Variants in MGAT4C observed in about 807,000 individuals in gnomAD.
The protein encoded by MGAT4C is MGAT4 family member C, also known as alpha-1,3-mannosyl-glycoprotein 4-beta-N-acetylglucosaminyltransferase C.
In MGAT4C, 19 loss-of-function variants were observed where a neutral mutation model predicts 40.1. The observed-to-expected ratio is 0.47, with a 90% confidence interval of 0.33 to 0.70. The LOEUF (loss-of-function observed/expected upper bound fraction) is 0.70, where lower values mean the gene tolerates loss of function less well. MGAT4C is among the 30% of genes least tolerant of loss of function. The pLI, the probability that MGAT4C is intolerant of heterozygous loss-of-function variation, is 0.02. For missense variants in MGAT4C, 491 were observed against 563.2 expected, an observed-to-expected ratio of 0.87 and a Z score of 1.30; for synonymous variants, 181 against 187.1, an observed-to-expected ratio of 0.97 and a Z score of 0.27.
Position 86,529,126 on chromosome 12 carries a change from T to C in MGAT4C, c.-228-93861A>G, listed in dbSNP as rs548306776. ...TTTCCTTTCTTTGGTATTCTAGCCT[T>C]GGTCATGATCCAAAGGGGCAAGTGC... On this transcript the variant is annotated intron_variant, in intron 2 of 7. Coordinates refer to the MGAT4C transcript ENST00000548651. Among the ~76,000 whole-genome samples, 9 of 152,200 alleles carry C rather than the reference T, an allele frequency of 5.9e-5. No homozygotes were observed. In the South Asian group the frequency reaches 1.9e-3, roughly 32 times the overall value.
intron 2 of MGAT4C, among the ~76,000 whole-genome samples, chr12:86,034,181 T>A (rs1219830294): frequency 1.3e-5 from 2 of 149,736 alleles, no homozygotes; most frequent in African/African-American, 4.8e-5. Context: ...TTTTTGCATC[T>A]GTGTTTACCA....
At chr12:86,243,588 AG>A (rs1286099001) in intron 1 of MGAT4C, among the ~76,000 whole-genome samples, 2 of 152,198 alleles carry the variant, frequency 1.3e-5, no homozygotes, top group East Asian at 3.9e-4. Context: ...TTTTATGAAA[AG>A]CCCATGAAAG....
At chr12:86,508,234 G>C (rs918598370) in intron 2 of MGAT4C, among the ~76,000 whole-genome samples, 1 of 151,498 alleles carries the variant, frequency 6.6e-6, no homozygotes. Flanking sequence ...ACAGTCCCCA[G>C]AGCGTGACGT....
At position 85,969,488 on chromosome 12, in the gene MGAT4C, A is replaced by C. The variant is rs1433470248; in HGVS notation, c.*9801T>G. On this transcript the variant is annotated 3_prime_UTR_variant, in exon 5 of 5. Transcript: ENST00000611864. Reference sequence around the variant, plus strand: ...GTGTACCCAGAGCCCATGAGTTTTTATTTTCTTTTTGGAATAACAGAAATT... The same window carrying C: ...GTGTACCCAGAGCCCATGAGTTTTTCTTTTCTTTTTGGAATAACAGAAATT... 1 of 151,550 alleles carries C rather than the reference A, an allele frequency of 6.6e-6. No homozygotes were observed. Among genetic ancestry groups the C allele is most frequent in the Non-Finnish European group, 1.5e-5 (1 of 67,616 alleles). 9.4% of individuals were successfully genotyped at this position (151,550 alleles called of 1,614,324 possible).
intron 3 of MGAT4C, among the ~76,000 whole-genome samples, chr12:86,377,720 C>A (rs180818218): frequency 6.6e-6 from 1 of 152,094 alleles, no homozygotes; most frequent in Non-Finnish European, 1.5e-5. Context: ...AATTTGCCAT[C>A]TTAACAGTTT....
chr12:86,566,527 TATAC>T (rs201453753), intron 2 of MGAT4C, among the ~76,000 whole-genome samples: 3,154 of 51,174 alleles, frequency 0.062, 45 homozygotes, highest in African/African-American at 0.072. Flanking sequence ...AGTAAACTCA[TATAC>T]ATATATATAT....
intron 2 of MGAT4C, among the ~76,000 whole-genome samples, chr12:86,509,491 G>C (rs1714875826): frequency 1.3e-5 from 2 of 152,144 alleles, no homozygotes; most frequent in Admixed American, 6.6e-5. Context: ...AAGTCAGGTA[G>C]CGTGATGCCT....
At chr12:86,767,402 C>T (rs1951532791) in intron 1 of MGAT4C, among the ~76,000 whole-genome samples, 1 of 152,128 alleles carries the variant, frequency 6.6e-6, no homozygotes, top group African/African-American at 2.4e-5. Flanking sequence ...AGTCCAGGAC[C>T]AGATGGATTC....
chr12:86,631,048 T>A (rs989268635), intron 2 of MGAT4C, among the ~76,000 whole-genome samples: 1 of 151,992 alleles, frequency 6.6e-6, no homozygotes, highest in Non-Finnish European at 1.5e-5. Flanking sequence ...TAAGCAACTT[T>A]AGCAAAGTCT....
intron 2 of MGAT4C, chr12:86,601,353 C>T (rs1961769674): frequency 6.6e-6 from 1 of 151,942 alleles, no homozygotes; most frequent in African/African-American, 2.4e-5. Context: ...CAAGCCCTCC[C>T]ATGGCCACCT....
At chr12:86,803,253 C>A (rs1203082241) in intron 1 of MGAT4C, among the ~76,000 whole-genome samples, 2 of 150,868 alleles carry the variant, frequency 1.3e-5, no homozygotes, top group Admixed American at 6.6e-5. Context: ...ACACCTTATA[C>A]AAAAATCAAT....
At chr12:86,711,652 A>G (rs181693559) in intron 2 of MGAT4C, among the ~76,000 whole-genome samples, 41 of 152,164 alleles carry the variant, frequency 2.7e-4, no homozygotes, top group African/African-American at 9.7e-4. Flanking sequence ...GAAGAAAAAA[A>G]TATGAAAACA....
At position 85,967,146 on chromosome 12, in the gene MGAT4C, C is replaced by T. The variant is rs1883408370; in HGVS notation, c.*12143G>A. On this transcript the variant is annotated 3_prime_UTR_variant, in exon 5 of 5. Transcript: ENST00000611864. ...TCCTGAAGATATAACATTGATTTGTCTTTTTCTTATTTGATATCAGCTAGC... is the reference window on the plus strand; with the variant it reads ...TCCTGAAGATATAACATTGATTTGTTTTTTTCTTATTTGATATCAGCTAGC... The T allele has an allele frequency of 6.6e-6, 1 of 152,008 alleles. No individual in the cohort carries two copies. Among genetic ancestry groups the T allele is most frequent in the Non-Finnish European group, 1.5e-5 (1 of 67,986 alleles). 9.4% of individuals were successfully genotyped at this position (152,008 alleles called of 1,614,324 possible).
intron 1 of MGAT4C, among the ~76,000 whole-genome samples, chr12:86,124,673 C>A (rs1029321803): frequency 6.6e-6 from 1 of 151,852 alleles, no homozygotes; most frequent in African/African-American, 2.4e-5. Flanking sequence ...TGGTCTTATA[C>A]CAGATAGGCT....
intron 1 of MGAT4C, among the ~76,000 whole-genome samples, chr12:86,252,807 T>C (rs897533159): frequency 2.0e-5 from 3 of 151,920 alleles, no homozygotes; most frequent in Non-Finnish European, 2.9e-5. Context: ...AGCAAATAAT[T>C]GATTGTAAAA....
At chr12:86,185,736 TTCTC>T (rs1408632822) in intron 1 of MGAT4C, among the ~76,000 whole-genome samples, 13 of 152,270 alleles carry the variant, frequency 8.5e-5, no homozygotes, top group African/African-American at 3.1e-4. Flanking sequence ...ATCTTAAAGA[TTCTC>T]TCTAATATTT....
intron 2 of MGAT4C, among the ~76,000 whole-genome samples, chr12:86,674,812 AG>A (rs1257204465): frequency 6.6e-6 from 1 of 152,248 alleles, no homozygotes; most frequent in Non-Finnish European, 1.5e-5. Context: ...AATTAAGACT[AG>A]TAAATAGTAA....
chr12:86,163,251 T>C lies in MGAT4C; in HGVS notation c.-57+92988A>G, dbSNP rs565877713. 5.9e-5 allele frequency among the ~76,000 whole-genome samples: 9 copies of C among 151,284 alleles called. No individual in the cohort carries two copies. In the South Asian group the frequency reaches 1.9e-3, roughly 33 times the overall value. ...CAGGGTCTCACTCTGCCACCAAGAC[T>C]GGAGTGCAGTGATCAAACCTACTGC... On this transcript the variant is annotated intron_variant, in intron 1 of 4. Transcript: ENST00000611864.
At chr12:86,552,266 T>C (rs1959404326) in intron 2 of MGAT4C, among the ~76,000 whole-genome samples, 1 of 151,958 alleles carries the variant, frequency 6.6e-6, no homozygotes, top group Non-Finnish European at 1.5e-5. Flanking sequence ...GTGAAGTTAG[T>C]GAGAAATTGA....
Sources: allele counts gnomAD v4.1 joint callset (sites outside exome capture counted in the v4.1 genomes callset), GRCh38; gene constraint gnomAD v4.1.1; transcripts MANE v1.5; gene names NCBI Gene and HGNC (gene_info 2026-07-23, HGNC 2026-07-21).